The following AGBL1 variants were observed in gnomAD, a reference collection of about 807,000 sequenced individuals.
The protein encoded by AGBL1 is AGBL carboxypeptidase 1.
AGBL1 carries 130 observed loss-of-function variants against 118.9 expected under a neutral mutation model. That is an observed-to-expected ratio of 1.09 (90% CI 0.95 to 1.26). AGBL1 has a LOEUF of 1.26. Among genes scored for constraint, AGBL1 ranks in the 50% most tolerant of loss-of-function variants. The pLI, the probability that AGBL1 is intolerant of heterozygous loss-of-function variation, is 0.00. For synonymous variants in AGBL1, 555 were observed against 478.9 expected (o/e 1.16, Z -2.08); for missense variants, 1,584 against 1,298.1 (o/e 1.22, Z -3.38).
chr15:86,900,629 T>G (rs1386070190), intron 22 of AGBL1, among the ~76,000 whole-genome samples: 1 of 151,770 alleles, frequency 6.6e-6, no homozygotes, highest in African/African-American at 2.4e-5. Context: ...TCGAGTATCT[T>G]ATATCGACTA....
In AGBL1 at chr15:86,256,919, T is replaced by C; in HGVS notation, c.802T>C (p.Tyr268His). The change falls in exon 8 of 23, where the codon TAC becomes CAC. Residue 268 changes from tyrosine (Y) to histidine (H), a missense_variant. Tyr to His is a moderately conservative substitution (Grantham distance 83). Transcript: ENST00000614907. ...SVVLQILRQC[Y>H]PTSPLPLVTA... The stretch of plus-strand genomic sequence containing the variant: ...GGTGCTTCAGATCCTGAGGCAGTGC[T>C]ACCCTACGAGTCCACTTCCCTTGGT... The C allele has an allele frequency of 6.2e-7, 1 of 1,613,952 alleles. No homozygotes were observed. The highest frequency in any genetic ancestry group is 8.5e-7 in the Non-Finnish European group (1 of 1,179,880).
At position 86,680,565 on chromosome 15, in the gene AGBL1, CTT is replaced by C. The variant is rs34873609; in HGVS notation, c.3158+6148_3158+6149del. On this transcript the variant is annotated intron_variant, in intron 22 of 22. Coordinates refer to ENST00000614907, the MANE Select transcript of AGBL1 (RefSeq NM_001386094.1). ...TCTTTTTTCTTTCTTTCTTTCTTTTCTTTTTTTTTTTTTTTTTTTTGAGATGG... is the reference window on the plus strand; with the variant it reads ...TCTTTTTTCTTTCTTTCTTTCTTTTCTTTTTTTTTTTTTTTTTTGAGATGG... Among the ~76,000 whole-genome samples the C allele has an allele frequency of 1.2e-4, 11 of 94,700 alleles. No homozygotes were observed. In the South Asian group the frequency reaches 2.8e-3, roughly 24 times the overall value. 62.1% of individuals were successfully genotyped at this position (94,700 alleles called of 152,430 possible). A position where few individuals can be genotyped will look rare whatever the true frequency, so the allele number is the denominator to read the frequency against.
At chr15:86,278,858 T>C (rs957209832) in intron 15 of AGBL1, among the ~76,000 whole-genome samples, 1 of 152,232 alleles carries the variant, frequency 6.6e-6, no homozygotes, top group African/African-American at 2.4e-5. Flanking sequence ...TCTTTGATAC[T>C]GTTCTCTGAA....
chr15:86,224,310 CAT>C (rs1268401419), intron 5 of AGBL1, among the ~76,000 whole-genome samples: 1 of 152,118 alleles, frequency 6.6e-6, no homozygotes, highest in Non-Finnish European at 1.5e-5. Flanking sequence ...TTTTCATTCT[CAT>C]ATGTGTCCCT....
intron 1 of AGBL1, among the ~76,000 whole-genome samples, chr15:86,100,938 A>G (rs553299784): frequency 6.6e-6 from 1 of 151,618 alleles, no homozygotes; most frequent in South Asian, 2.1e-4. Context: ...TTGCTTTTCT[A>G]GTTGTTTCAT....
intron 22 of AGBL1, among the ~76,000 whole-genome samples, chr15:86,733,078 AAT>A (rs1315705319): frequency 6.7e-6 from 1 of 148,826 alleles, no homozygotes. Context: ...ATTATATATA[AAT>A]ATATATATCT....
In AGBL1 at chr15:86,587,717, A is replaced by G. The variant is rs187711890; in HGVS notation, c.2994+33180A>G. The stretch of plus-strand genomic sequence containing the variant: ...AGAAACTCAGAAGACAGAAAAAATA[A>G]GTTTTGATTAAAGTCAGAGTACCCA... On this transcript the variant is annotated intron_variant, in intron 21 of 22. Transcript: ENST00000614907. 4.4e-3 allele frequency among the ~76,000 whole-genome samples: 673 copies of G among 152,334 alleles called. 3 individuals are homozygous for G. The highest frequency in any genetic ancestry group is 0.01 in the Middle Eastern group (3 of 294).
chr15:86,668,919 T>A (rs1219983774), intron 21 of AGBL1, among the ~76,000 whole-genome samples: 1 of 152,122 alleles, frequency 6.6e-6, no homozygotes, highest in African/African-American at 2.4e-5. Context: ...AACACAGCCC[T>A]CCTTCAAGCA....
intron 18 of AGBL1, among the ~76,000 whole-genome samples, chr15:86,493,046 T>A (rs2082804226): frequency 6.6e-6 from 1 of 152,048 alleles, no homozygotes; most frequent in Non-Finnish European, 1.5e-5. Context: ...ATACAAAAAT[T>A]AGCTGGGCAT....
chr15:86,763,489 G>C (rs1200493200), intron 22 of AGBL1, among the ~76,000 whole-genome samples: 1 of 152,128 alleles, frequency 6.6e-6, no homozygotes, highest in East Asian at 1.9e-4. Context: ...TGGGGAGATA[G>C]ATGATGGGGC....
chr15:86,718,112 G>C (rs796905266), intron 22 of AGBL1, among the ~76,000 whole-genome samples: 1 of 152,000 alleles, frequency 6.6e-6, no homozygotes, highest in Non-Finnish European at 1.5e-5. Context: ...AGAAACAGGA[G>C]AAAAAATATT....
chr15:86,813,410 C>T lies in AGBL1; in HGVS notation c.3159-93677C>T, dbSNP rs115897777. ...ACATTTCTGAGCCAGAAGGGACCTT[C>T]TGACAAAAAGTGCCTCTATCACATT... is the stretch of plus-strand genomic sequence containing the variant. On this transcript the variant is annotated intron_variant, in intron 22 of 22. Transcript: ENST00000614907. 3.3e-3 allele frequency among the ~76,000 whole-genome samples: 497 copies of T among 152,320 alleles called. 6 individuals are homozygous for T. Among genetic ancestry groups the T allele is most frequent in the African/African-American group, 0.012 (485 of 41,578 alleles).
At chr15:86,137,522 C>T (rs1207323671) in intron 1 of AGBL1, among the ~76,000 whole-genome samples, 1 of 152,138 alleles carries the variant, frequency 6.6e-6, no homozygotes, top group Non-Finnish European at 1.5e-5. Flanking sequence ...GGTGGCTTAC[C>T]AGTCACCGAG....
At chr15:86,937,426 G>C (rs2080689922) in intron 23 of AGBL1, among the ~76,000 whole-genome samples, 2 of 152,166 alleles carry the variant, frequency 1.3e-5, no homozygotes, top group South Asian at 4.1e-4. Context: ...TCGTAGACTG[G>C]ATAAGTGTAA....
intron 22 of AGBL1, among the ~76,000 whole-genome samples, chr15:86,880,753 G>A (rs1386204609): frequency 3.3e-5 from 5 of 152,094 alleles, no homozygotes; most frequent in African/African-American, 1.2e-4. Context: ...ATATGTATGT[G>A]GGTGTACATG....
intron 5 of AGBL1, among the ~76,000 whole-genome samples, chr15:86,211,073 C>T (rs183683771): frequency 6.6e-6 from 1 of 152,168 alleles, no homozygotes; most frequent in African/African-American, 2.4e-5. Flanking sequence ...AGAGTCAGGT[C>T]CCTAAGCTTC....
intron 17 of AGBL1, among the ~76,000 whole-genome samples, chr15:86,325,074 A>G (rs1162649376): frequency 6.6e-6 from 1 of 152,220 alleles, no homozygotes; most frequent in African/African-American, 2.4e-5. Context: ...TCCTATAGTC[A>G]GTGGAGAATG....
chr15:86,185,759 G>T (rs1422270877), intron 5 of AGBL1, among the ~76,000 whole-genome samples: 2 of 151,732 alleles, frequency 1.3e-5, no homozygotes, highest in African/African-American at 4.8e-5. Flanking sequence ...CCTGTCGTGG[G>T]GTGGGGGGCT....
chr15:86,579,801 A>G (rs140140941), intron 21 of AGBL1, among the ~76,000 whole-genome samples: 3 of 152,190 alleles, frequency 2.0e-5, no homozygotes, highest in African/African-American at 7.2e-5. Context: ...AGATAGACAC[A>G]TGAAGAGATA....
Sources: gnomAD v4.1 joint callset for allele counts (sites outside exome capture counted in the v4.1 genomes callset) on GRCh38, gnomAD v4.1.1 for gene constraint, MANE v1.5 for transcripts, NCBI Gene and HGNC (gene_info 2026-07-23, HGNC 2026-07-21) for gene names.